Variants in FPGT observed in about 807,000 individuals in gnomAD.
FPGT encodes the protein GDP-L-fucose diphosphorylase.
In FPGT, 41 loss-of-function variants were observed where a neutral mutation model predicts 45.8. The observed-to-expected ratio is 0.90, with a 90% confidence interval of 0.70 to 1.16. FPGT has a LOEUF of 1.16. Among genes scored for constraint, FPGT ranks in the 50% most tolerant of loss-of-function variants. FPGT has a pLI of 0.00. For missense variants in FPGT, 755 were observed against 689.1 expected, an observed-to-expected ratio of 1.10 and a Z score of -1.07; for synonymous variants, 292 against 247.2, an observed-to-expected ratio of 1.18 and a Z score of -1.70.
intron 2 of FPGT, 150 bp downstream of exon 2, chr1:74,199,981 G>A: frequency 2.1e-6 from 2 of 953,588 alleles, no homozygotes; most frequent in East Asian, 2.8e-5. Flanking sequence ...ACTTTTTTTA[G>A]AAAGATAAAA....
intron 3 of FPGT, among the ~76,000 whole-genome samples, chr1:74,203,878 C>G (rs941135671): frequency 6.6e-6 from 1 of 151,728 alleles, no homozygotes; most frequent in Non-Finnish European, 1.5e-5. Flanking sequence ...TTCGTCTCTA[C>G]TAAAAATACA....
rs761951991 is a variant in FPGT at position 74,204,388 on chromosome 1, T to C, written c.344-3T>C. On this transcript the variant is annotated splice_polypyrimidine_tract_variant and splice_region_variant and intron_variant, in intron 3 of 3. Coordinates refer to ENST00000370898, the MANE Select transcript of FPGT (RefSeq NM_003838.5). ...AAATGGTTATTTCGTTTTAATTTTA[T>C]AGGTGGCTACAGTCAACGACTTCCA... 8 of 1,534,886 alleles carry C rather than the reference T, an allele frequency of 5.2e-6. No homozygotes were observed. The African/African-American group carries it at 6.9e-5, about 13-fold the overall frequency.
At position 74,207,832 on chromosome 1, in the gene FPGT, T is replaced by C. The variant is rs1367090453; in HGVS notation, c.*2000T>C. Among the ~76,000 whole-genome samples the C allele has an allele frequency of 6.6e-6, 1 of 152,070 alleles. No homozygotes were observed. The highest frequency in any genetic ancestry group is 2.4e-5 in the African/African-American group (1 of 41,430). ...ATCTACTTACAGAGCGTTCAGAGGATGTTATATGTTTATTAAGTGCTCAAT... is the reference window on the plus strand; with the variant it reads ...ATCTACTTACAGAGCGTTCAGAGGACGTTATATGTTTATTAAGTGCTCAAT... On this transcript the variant is annotated 3_prime_UTR_variant, in exon 4 of 4. Coordinates refer to ENST00000370898, the MANE Select transcript of FPGT (RefSeq NM_003838.5).
chr1:74,198,655 G>A (rs551616871), intron 1 of FPGT, among the ~76,000 whole-genome samples: 1 of 152,220 alleles, frequency 6.6e-6, no homozygotes, highest in East Asian at 1.9e-4. Context: ...ATTAATAAAA[G>A]TTGCTTTAAA....
At position 74,206,928 on chromosome 1, in the gene FPGT, C is replaced by T. The variant is rs1240138002; in HGVS notation, c.*1096C>T. 1.3e-5 allele frequency: 2 copies of T among 151,886 alleles called. No individual in the cohort carries two copies. Among genetic ancestry groups the T allele is most frequent in the Non-Finnish European group, 2.9e-5 (2 of 67,922 alleles). 9.4% of individuals were successfully genotyped at this position (151,886 alleles called of 1,614,324 possible). A position where few individuals can be genotyped will look rare whatever the true frequency, so the allele number is the denominator to read the frequency against. On this transcript the variant is annotated 3_prime_UTR_variant, in exon 4 of 4. Transcript: ENST00000370898. Reference sequence around the variant, plus strand: ...TAAATGAAATAACTAGTCTGTGCTACTTTATGTCAATATAAAAATTGGTAA... The same window carrying T: ...TAAATGAAATAACTAGTCTGTGCTATTTTATGTCAATATAAAAATTGGTAA...
Position 74,205,713 on chromosome 1 carries a change from C to T in FPGT, c.1666C>T (p.Leu556=). The T allele has an allele frequency of 1.2e-6, 2 of 1,609,792 alleles. No individual in the cohort carries two copies. Among genetic ancestry groups the T allele is most frequent in the East Asian group, 2.2e-5 (1 of 44,830 alleles). The change falls in exon 4 of 4, where the codon CTG becomes TTG. Residue 556 remains leucine, a synonymous_variant. Transcript: ENST00000370898. The stretch of plus-strand genomic sequence containing the variant: ...TGTTAAGAACAAGTCAGCATTCAGC[C>T]TGAATAGCTATAAGTTGCTGTCCAT... ...NAVKNKSAFS[L]NSYKLLSIEE...
intron 3 of FPGT, among the ~76,000 whole-genome samples, chr1:74,202,977 C>A (rs1651932267): frequency 2.6e-5 from 4 of 152,172 alleles, no homozygotes; most frequent in African/African-American, 9.7e-5. Context: ...TTCTGAAAGA[C>A]CTCCTGAAGG....
At position 74,205,541 on chromosome 1, in the gene FPGT, G is replaced by A; in HGVS notation, c.1494G>A (p.Leu498=). The change falls in exon 4 of 4, where the codon CTG becomes CTA. Residue 498 remains leucine, a synonymous_variant. Transcript: ENST00000370898. ...KLLQFFGVCF[L]SCLDVWNLKV... is the part of the protein sequence containing the mutation. ...TTCAATTCTTTGGAGTCTGTTTCCT[G>A]TCATGCTTAGATGTTTGGAATCTTA... is the stretch of plus-strand genomic sequence containing the variant. 6.2e-7 allele frequency: 1 copy of A among 1,613,184 alleles called. No homozygotes were observed. The highest frequency in any genetic ancestry group is 1.1e-5 in the South Asian group (1 of 91,048).
Position 74,201,419 on chromosome 1 carries a change from A to G in FPGT, c.343+9A>G. 6.5e-7 allele frequency: 1 copy of G among 1,533,800 alleles called. No homozygotes were observed. Among genetic ancestry groups the G allele is most frequent in the Non-Finnish European group, 8.9e-7 (1 of 1,124,866 alleles). On this transcript the variant is annotated intron_variant, in intron 3 of 3. Transcript: ENST00000370898. ...CTTATTAATTCACTCTGGTAATGTT[A>G]TACTTTACTAATTTACATTTTCTTT...
Position 74,198,294 on chromosome 1 carries a change from G to A in FPGT, c.16G>A (p.Asp6Asn), listed in dbSNP as rs763858437. ...AGGTGGGGCTATGGCAGCTGCTAGG[G>A]ACCCTCCGGAAGTATCGCTGCGAGA... MAAAR[D>N]PPEVSLREAT... The change falls in exon 1 of 4, where the codon GAC becomes AAC. Residue 6 changes from aspartate to asparagine, a missense_variant. Coordinates refer to ENST00000370898, the MANE Select transcript of FPGT (RefSeq NM_003838.5). 1.2e-6 allele frequency: 2 copies of A among 1,614,130 alleles called. No homozygotes were observed. Among genetic ancestry groups the A allele is most frequent in the East Asian group, 2.2e-5 (1 of 44,854 alleles).
In FPGT at chr1:74,199,750, C is replaced by G; in HGVS notation, c.169C>G (p.Leu57Val). Reference protein sequence around the residue: ...EKQELAYNQQLSEKLKRKELP... With the variant: ...EKQELAYNQQVSEKLKRKELP... ...ACAGGAACTTGCTTACAACCAACAG[C>G]TGTCAGAAAAGCTGAAAAGAAAGGA... is the stretch of plus-strand genomic sequence containing the variant. Residue 57 changes from leucine (L) to valine (V), a missense_variant, in exon 2 of 4, where the codon CTG (leucine) becomes GTG (valine). By Grantham distance (32) the Leu-to-Val change is conservative (BLOSUM62 1). Transcript: ENST00000370898. 2 of 1,614,138 alleles carry G rather than the reference C, an allele frequency of 1.2e-6. No individual in the cohort carries two copies. Among genetic ancestry groups the G allele is most frequent in the Non-Finnish European group, 1.7e-6 (2 of 1,180,024 alleles).
intron 2 of FPGT, among the ~76,000 whole-genome samples, chr1:74,201,045 CTTCT>C: frequency 6.6e-6 from 1 of 151,960 alleles, no homozygotes; most frequent in East Asian, 1.9e-4. Context: ...GTAATTGATT[CTTCT>C]TTCTTATAAT....
chr1:74,200,173 G>A (rs1209478748), intron 2 of FPGT, among the ~76,000 whole-genome samples: 2 of 152,164 alleles, frequency 1.3e-5, no homozygotes, highest in Non-Finnish European at 2.9e-5. Flanking sequence ...CAATTTACAT[G>A]AAGAAAGCAA....
intron 1 of FPGT, among the ~76,000 whole-genome samples, chr1:74,199,412 T>C (rs1244561323): frequency 6.6e-6 from 1 of 152,150 alleles, no homozygotes; most frequent in African/African-American, 2.4e-5. Flanking sequence ...TATAATTAAA[T>C]TGGATTGCAA....
chr1:74,199,986 A>G (rs1651637666), intron 2 of FPGT, 155 bp downstream of exon 2: 1 of 860,928 alleles, frequency 1.2e-6, no homozygotes, highest in South Asian at 2.4e-5. Flanking sequence ...TTTTAGAAAG[A>G]TAAAAGGAAT....
At chr1:74,202,782 TA>T (rs1651918343) in intron 3 of FPGT, among the ~76,000 whole-genome samples, 3 of 152,206 alleles carry the variant, frequency 2.0e-5, no homozygotes, top group Admixed American at 1.3e-4. Context: ...TGTACAAAAA[TA>T]TTTTCTTTAT....
chr1:74,204,122 C>G (rs982419502), intron 3 of FPGT, among the ~76,000 whole-genome samples: 4 of 151,226 alleles, frequency 2.6e-5, no homozygotes, highest in African/African-American at 9.7e-5. Flanking sequence ...TAATTCAAAA[C>G]ATTTCACAGA....
intron 2 of FPGT, among the ~76,000 whole-genome samples, chr1:74,200,461 A>C (rs551520381): frequency 6.7e-6 from 1 of 150,296 alleles, no homozygotes; most frequent in African/African-American, 2.5e-5. Context: ...CATTATTTTA[A>C]TCCTTACAAC....
At chr1:74,198,841 C>A (rs1421856686) in intron 1 of FPGT, among the ~76,000 whole-genome samples, 1 of 151,990 alleles carries the variant, frequency 6.6e-6, no homozygotes, top group African/African-American at 2.4e-5. Context: ...AATTTGTTAT[C>A]AAAAAATTGG....
Sources: allele counts gnomAD v4.1 joint callset (sites outside exome capture counted in the v4.1 genomes callset), GRCh38; gene constraint gnomAD v4.1.1; transcripts MANE v1.5; gene names NCBI Gene and HGNC (gene_info 2026-07-23, HGNC 2026-07-21).